The following DIS3L2 variants were observed in gnomAD, a reference collection of about 807,000 sequenced individuals.
The protein encoded by DIS3L2 is DIS3-like exonuclease 2.
A neutral mutation model predicts 97.5 loss-of-function variants in DIS3L2; 34 were observed. The ratio of observed to expected loss-of-function variants is 0.35; its 90% CI spans 0.27 to 0.46. The LOEUF (loss-of-function observed/expected upper bound fraction) is 0.46, where lower values mean the gene tolerates loss of function less well. Ranked by LOEUF, DIS3L2 falls within the 20% of genes least tolerant of loss-of-function variation. DIS3L2 has a pLI of 1.00. For synonymous variants in DIS3L2, 435 were observed against 445.2 expected (o/e 0.98, Z 0.29); for missense variants, 1,038 against 1,146.0 (o/e 0.91, Z 1.36).
intron 13 of DIS3L2, among the ~76,000 whole-genome samples, chr2:232,284,620 G>A (rs1694377735): frequency 6.6e-6 from 1 of 152,112 alleles, no homozygotes; most frequent in East Asian, 1.9e-4. Flanking sequence ...ATTCTGGAAG[G>A]CACTAGGGAT....
chr2:232,062,661 T>G (rs1396242940), intron 5 of DIS3L2, among the ~76,000 whole-genome samples: 1 of 152,126 alleles, frequency 6.6e-6, no homozygotes, highest in East Asian at 1.9e-4. Context: ...CCATTTTTTC[T>G]AAGACTCCCT....
chr2:232,246,659 C>G (rs948727736), intron 11 of DIS3L2, among the ~76,000 whole-genome samples: 4 of 152,238 alleles, frequency 2.6e-5, no homozygotes, highest in African/African-American at 4.8e-5. Flanking sequence ...CCTTTGCTGT[C>G]TTTCCTGCAC....
At chr2:232,288,571 C>T (rs905041248) in intron 13 of DIS3L2, among the ~76,000 whole-genome samples, 1 of 152,212 alleles carries the variant, frequency 6.6e-6, no homozygotes, top group African/African-American at 2.4e-5. Flanking sequence ...GCTGCTGGCT[C>T]CCCGCTTGGG....
chr2:232,294,908 C>A (rs947407875), intron 13 of DIS3L2, among the ~76,000 whole-genome samples: 10 of 152,156 alleles, frequency 6.6e-5, no homozygotes, highest in Admixed American at 4.6e-4. Flanking sequence ...AGACATCTGT[C>A]ACCCAGCCGC....
intron 8 of DIS3L2, among the ~76,000 whole-genome samples, chr2:232,155,135 A>T (rs1274112881): frequency 2.0e-5 from 3 of 151,150 alleles, no homozygotes; most frequent in African/African-American, 7.3e-5. Flanking sequence ...CCGGTACCTC[A>T]GATGGAAATG....
At chr2:232,203,238 T>C (rs1365247115) in intron 9 of DIS3L2, among the ~76,000 whole-genome samples, 1 of 152,200 alleles carries the variant, frequency 6.6e-6, no homozygotes, top group Non-Finnish European at 1.5e-5. Flanking sequence ...TTCTTCATCA[T>C]TGACCCAGAT....
At chr2:232,343,312 C>T (rs769227448) in intron 13 of DIS3L2, 1 of 1,541,234 alleles carries the variant, frequency 6.5e-7, no homozygotes, top group South Asian at 1.2e-5. Context: ...GAAACCGCGC[C>T]TCCTCATCCA....
rs748662098 is a variant in DIS3L2 at position 232,087,745 on chromosome 2, C to CT, written c.601+33dup. ...AGGTGAGTACTAGACTATTGTCTTA[C>CT]TTTTTTTTTAAGTACACTGATTAAG... is the stretch of plus-strand genomic sequence containing the variant. On this transcript the variant is annotated intron_variant, in intron 6 of 20. Transcript: ENST00000325385. The CT allele has an allele frequency of 2.4e-4, 367 of 1,552,928 alleles. 2 individuals carry two copies. Among genetic ancestry groups the CT allele is most frequent in the Admixed American group, 6.8e-4 (39 of 57,348 alleles).
chr2:232,009,548 G>C (rs1052297780), intron 1 of DIS3L2, among the ~76,000 whole-genome samples: 8 of 152,104 alleles, frequency 5.3e-5, no homozygotes, highest in Non-Finnish European at 1.2e-4. Context: ...ATTGGTCAGA[G>C]GTTGTGTTTA....
At chr2:232,237,317 G>A (rs1016597189) in intron 10 of DIS3L2, among the ~76,000 whole-genome samples, 1 of 152,122 alleles carries the variant, frequency 6.6e-6, no homozygotes, top group Non-Finnish European at 1.5e-5. Flanking sequence ...AACCTGGTAG[G>A]GAGGGCAGGG....
chr2:232,012,706 T>C (rs1694241397), intron 1 of DIS3L2, among the ~76,000 whole-genome samples: 1 of 152,192 alleles, frequency 6.6e-6, no homozygotes, highest in Non-Finnish European at 1.5e-5. Flanking sequence ...TATACTTCTT[T>C]ACATTTCCTA....
At chr2:232,287,941 A>G (rs1694490745) in intron 13 of DIS3L2, among the ~76,000 whole-genome samples, 1 of 152,224 alleles carries the variant, frequency 6.6e-6, no homozygotes, top group Non-Finnish European at 1.5e-5. Flanking sequence ...TGGGCCCCAT[A>G]GGTGTCCCTT....
intron 1 of DIS3L2, among the ~76,000 whole-genome samples, chr2:231,971,143 A>T (rs1219980491): frequency 6.6e-6 from 1 of 152,134 alleles, no homozygotes; most frequent in Non-Finnish European, 1.5e-5. Context: ...GCTGTTTTAT[A>T]GTTAACATTT....
intron 14 of DIS3L2, among the ~76,000 whole-genome samples, chr2:232,302,057 T>C (rs1451299827): frequency 6.6e-6 from 1 of 152,048 alleles, no homozygotes; most frequent in Non-Finnish European, 1.5e-5. Flanking sequence ...TTAGGGTTTA[T>C]AAATATGAAT....
chr2:231,988,235 A>G (rs1693476299), intron 1 of DIS3L2, among the ~76,000 whole-genome samples: 1 of 152,230 alleles, frequency 6.6e-6, no homozygotes, highest in African/African-American at 2.4e-5. Context: ...AGTGGTTTTT[A>G]CGTGGAAAAT....
At chr2:232,048,709 C>T (rs1325691152) in intron 5 of DIS3L2, among the ~76,000 whole-genome samples, 5 of 149,438 alleles carry the variant, frequency 3.3e-5, no homozygotes, top group Admixed American at 6.7e-5. Context: ...CCAGCCTGGG[C>T]GATAGAGCAA....
chr2:232,319,608 C>T (rs571198785), intron 14 of DIS3L2, among the ~76,000 whole-genome samples: 1 of 152,326 alleles, frequency 6.6e-6, no homozygotes, highest in South Asian at 2.1e-4. Flanking sequence ...CAATTCTCAC[C>T]CAGGGGAGGC....
intron 5 of DIS3L2, among the ~76,000 whole-genome samples, chr2:232,061,562 C>T (rs949376619): frequency 1.1e-4 from 16 of 152,106 alleles, no homozygotes; most frequent in Non-Finnish European, 2.1e-4. Context: ...TTTTTTTCTT[C>T]TTATTGTCTA....
chr2:232,059,298 A>G (rs1012471100), intron 5 of DIS3L2, among the ~76,000 whole-genome samples: 3 of 152,190 alleles, frequency 2.0e-5, no homozygotes, highest in African/African-American at 7.2e-5. Flanking sequence ...AAATAAAACA[A>G]TATGAAATTT....
Sources: allele counts gnomAD v4.1 joint callset (sites outside exome capture counted in the v4.1 genomes callset), GRCh38; gene constraint gnomAD v4.1.1; transcripts MANE v1.5; gene names NCBI Gene and HGNC (gene_info 2026-07-23, HGNC 2026-07-21).